The following ATP6V1B1 variants were observed in gnomAD, a reference collection of about 807,000 sequenced individuals.
ATP6V1B1 encodes ATPase H+ transporting V1 subunit B1, also known as V-type proton ATPase subunit B, kidney isoform.
ATP6V1B1 carries 41 observed loss-of-function variants against 62.1 expected under a neutral mutation model. That is an observed-to-expected ratio of 0.66 (90% CI 0.51 to 0.86). ATP6V1B1 has a LOEUF of 0.86. Among genes scored for constraint, ATP6V1B1 ranks in the 40% least tolerant of loss-of-function variants. The probability of loss-of-function intolerance (pLI) is 0.00; values close to 1 mark genes in which losing one functional copy is unlikely to be tolerated. For synonymous variants in ATP6V1B1, 253 were observed against 273.4 expected, an observed-to-expected ratio of 0.93 and a Z score of 0.74; for missense variants, 651 against 697.5, an observed-to-expected ratio of 0.93 and a Z score of 0.75.
chr2:70,950,266 G>A (rs1013866653), intron 2 of ATP6V1B1, among the ~76,000 whole-genome samples: 4 of 152,078 alleles, frequency 2.6e-5, no homozygotes, highest in Non-Finnish European at 5.9e-5. Context: ...GAAAAGGCAA[G>A]TCCTCTATCT....
At chr2:70,938,720 A>G (rs1558667637) in intron 1 of ATP6V1B1, 13 of 985,284 alleles carry the variant, frequency 1.3e-5, no homozygotes, top group Non-Finnish European at 1.3e-5. Flanking sequence ...TGGTTCCCCA[A>G]GGGCCTTGGC....
Position 70,958,322 on chromosome 2 carries a change from T to G in ATP6V1B1, c.274-11T>G. ...GCCCCTTAGTGGAGAAACTCCCTCT[T>G]GTTCCCACAGGTGTTTGAAGGGACA... On this transcript the variant is annotated splice_polypyrimidine_tract_variant and intron_variant, in intron 3 of 13. Transcript: ENST00000234396. The G allele has an allele frequency of 6.2e-7, 1 of 1,614,054 alleles. No individual in the cohort carries two copies.
chr2:70,937,999 C>T (rs1214938298), intron 1 of ATP6V1B1, among the ~76,000 whole-genome samples: 1 of 152,160 alleles, frequency 6.6e-6, no homozygotes, highest in Non-Finnish European at 1.5e-5. Flanking sequence ...GTGTTCACAC[C>T]AAACAACCCA....
chr2:70,942,403 C>T (rs1237216251), intron 1 of ATP6V1B1: 2 of 398,568 alleles, frequency 5.0e-6, no homozygotes, highest in Non-Finnish European at 8.8e-6. Flanking sequence ...GCAAGAATCA[C>T]CGTGCCCAGT....
chr2:70,964,702 C>T, intron 12 of ATP6V1B1, 34 bp from the exon 13 acceptor site: 1 of 1,612,908 alleles, frequency 6.2e-7, no homozygotes, highest in South Asian at 1.1e-5. Flanking sequence ...GTGGTAAGCC[C>T]GCAGCGGCCA....
At chr2:70,964,629 C>T (rs1680674351) in intron 12 of ATP6V1B1, 87 bp downstream of exon 12, 3 of 1,611,838 alleles carry the variant, frequency 1.9e-6, no homozygotes, top group Non-Finnish European at 2.5e-6. Context: ...AAGCTTTTCT[C>T]CTGGCAAAAT....
intron 2 of ATP6V1B1, chr2:70,957,736 C>A: frequency 2.5e-5 from 10 of 401,550 alleles, no homozygotes; most frequent in South Asian, 1.7e-4. Flanking sequence ...GACGAGGAAA[C>A]TAAACCTCAT....
chr2:70,964,385 G>C (rs1680665620), intron 11 of ATP6V1B1, 53 bp from the exon 12 acceptor site: 2 of 1,580,794 alleles, frequency 1.3e-6, no homozygotes, highest in East Asian at 2.2e-5. Flanking sequence ...TGGGGACAGG[G>C]GGAGCAAAGC....
intron 7 of ATP6V1B1, 96 bp from the exon 8 acceptor site, chr2:70,961,500 T>C: frequency 2.3e-6 from 3 of 1,278,692 alleles, no homozygotes; most frequent in Non-Finnish European, 3.4e-6. Flanking sequence ...TGGTAGCTGG[T>C]CAGTCCACAG....
At chr2:70,938,295 G>A (rs1369775967) in intron 1 of ATP6V1B1, among the ~76,000 whole-genome samples, 3 of 152,014 alleles carry the variant, frequency 2.0e-5, no homozygotes, top group African/African-American at 7.2e-5. Context: ...GTGGACAGGC[G>A]CAGGGCTGGC....
chr2:70,963,271 G>A lies in ATP6V1B1; in HGVS notation c.1019G>A (p.Gly340Glu). Residue 340 changes from glycine to glutamate, a missense_variant, in exon 10 of 14, where the codon GGA becomes GAA. Transcript: ENST00000234396. This position sits in a 1 kb window ranked among gnomAD's most constrained non-coding sequence, Gnocchi z 4.3. ...ERAGRVEGRGGSITQIPILTM... is the reference protein window; with the variant it reads ...ERAGRVEGRGESITQIPILTM... ...GCGGGCCGCGTGGAGGGTCGGGGAG[G>A]ATCCATCACACAGATCCCCATCCTC... is the stretch of plus-strand genomic sequence containing the variant. The A allele has an allele frequency of 4.3e-6, 7 of 1,613,576 alleles. No homozygotes were observed. The highest frequency in any genetic ancestry group is 5.9e-6 in the Non-Finnish European group (7 of 1,179,974).
chr2:70,936,015 G>A lies in ATP6V1B1; in HGVS notation c.61G>A (p.Ala21Thr). ...GLPGSSCNLG[A>T]AREHMQAVTR... ...CCCCGGCAGTAGCTGCAACCTAGGT[G>A]CAGCCCGAGAACACATGCAGGCGGT... Residue 21 changes from alanine to threonine, a missense_variant, in exon 1 of 14, where the codon GCA (alanine) becomes ACA (threonine). Coordinates refer to ENST00000234396, the MANE Select transcript of ATP6V1B1 (RefSeq NM_001692.4). 6.2e-7 allele frequency: 1 copy of A among 1,614,038 alleles called. No individual in the cohort carries two copies. The highest frequency in any genetic ancestry group is 8.5e-7 in the Non-Finnish European group (1 of 1,179,950).
At chr2:70,964,112 G>GTC in intron 11 of ATP6V1B1, 1 of 156,558 alleles carries the variant, frequency 6.4e-6, no homozygotes, top group Admixed American at 1.3e-4. Flanking sequence ...TGCTTGGCAG[G>GTC]TATTTTTTTT....
chr2:70,954,774 T>A (rs1553418781), intron 2 of ATP6V1B1, among the ~76,000 whole-genome samples: 2 of 152,194 alleles, frequency 1.3e-5, no homozygotes, highest in Admixed American at 1.3e-4. Flanking sequence ...TGAGCCACTG[T>A]GCCTGGCCCC....
intron 2 of ATP6V1B1, chr2:70,956,255 C>A: frequency 5.1e-6 from 1 of 196,062 alleles, no homozygotes; most frequent in South Asian, 1.3e-4. Flanking sequence ...TGAAATCCTC[C>A]TTTGCTTCCC....
chr2:70,952,847 G>A (rs570187407), intron 2 of ATP6V1B1, among the ~76,000 whole-genome samples: 1 of 152,240 alleles, frequency 6.6e-6, no homozygotes, highest in African/African-American at 2.4e-5. Context: ...TATTAGCTTA[G>A]CTAGTTCCTC....
intron 2 of ATP6V1B1, chr2:70,944,357 C>A: frequency 1.6e-6 from 1 of 622,910 alleles, no homozygotes; most frequent in Non-Finnish European, 2.3e-6. Context: ...AAGAGCCCTG[C>A]AAAGGTACAA....
intron 8 of ATP6V1B1, 108 bp downstream of exon 8, chr2:70,961,801 C>T: frequency 9.1e-7 from 1 of 1,094,326 alleles, no homozygotes; most frequent in Non-Finnish European, 1.4e-6. Flanking sequence ...AGCCATACGC[C>T]AGAGCTGGGA....
Position 70,964,293 on chromosome 2 carries a change from T to C in ATP6V1B1, c.1144-145T>C, listed in dbSNP as rs181697479. The C allele has an allele frequency of 3.0e-4, 238 of 799,548 alleles. No homozygotes were observed. The East Asian group carries it at 3.9e-3, about 13-fold the overall frequency. 49.5% of individuals were successfully genotyped at this position (799,548 alleles called of 1,614,324 possible). A position where few individuals can be genotyped will look rare whatever the true frequency, so the allele number is the denominator to read the frequency against. ...ACAGCTGATGCCCAAGCCCTAGAATTTGTGGGAGATAAGAGAGGGTGGGTG... is the reference window on the plus strand; with the variant it reads ...ACAGCTGATGCCCAAGCCCTAGAATCTGTGGGAGATAAGAGAGGGTGGGTG... On this transcript the variant is annotated intron_variant, in intron 11 of 13. Coordinates refer to ENST00000234396, the MANE Select transcript of ATP6V1B1 (RefSeq NM_001692.4).
Sources: allele counts gnomAD v4.1 joint callset (sites outside exome capture counted in the v4.1 genomes callset), GRCh38; gene constraint gnomAD v4.1.1; non-coding constraint Gnocchi (gnomAD v3.1); transcripts MANE v1.5; gene names NCBI Gene and HGNC (gene_info 2026-07-23, HGNC 2026-07-21).